UBE2A: variants seen among roughly 807,000 people sequenced by gnomAD.
The protein encoded by UBE2A is ubiquitin-conjugating enzyme E2 A.
For missense variants in UBE2A, 27 were observed against 125.8 expected (o/e 0.21, Z 3.76); for synonymous variants, 39 against 41.1 (o/e 0.95, Z 0.20).
At chrX:119,581,400 T>A in intron 3 of UBE2A, 107 bp from the exon 4 acceptor site, 4 of 550,749 alleles carry the variant, frequency 7.3e-6, no homozygotes, top group Non-Finnish European at 6.3e-6. Context: ...CTACCCTGTA[T>A]CTTTGCATTA....
chrX:119,583,413 C>T lies in UBE2A; in HGVS notation c.*158C>T, dbSNP rs35554236. ...CAAGTTTTCCTACCCCTTCTACCCT[C>T]TCCTTAAACATCAGAAAACACCCTC... On this transcript the variant is annotated 3_prime_UTR_variant, in exon 6 of 6. Transcript: ENST00000371558. The T allele has an allele frequency of 8.5e-4, 632 of 746,927 alleles. 2 individuals are homozygous for T. In the African/African-American group the frequency reaches 0.012, roughly 14 times the overall value. The allele number at this position is 746,927 out of a possible 1,213,427, so 61.6% of individuals were successfully genotyped here.
chrX:119,575,436 C>T lies in UBE2A; in HGVS notation c.151+36C>T, dbSNP rs373749415. ...GTTTCTTTACCCACTTTTCAGGAGC[C>T]TGGTCATCTGGGGAAAGGGTTCCCA... On this transcript the variant is annotated intron_variant, in intron 3 of 5. Coordinates refer to ENST00000371558, the MANE Select transcript of UBE2A (RefSeq NM_003336.4). 3.5e-5 allele frequency: 42 copies of T among 1,207,830 alleles called. No individual in the cohort carries two copies. The African/African-American group carries it at 4.2e-4, about 12-fold the overall frequency.
At chrX:119,579,750 A>C (rs938270081) in intron 3 of UBE2A, among the ~76,000 whole-genome samples, 3 of 111,874 alleles carry the variant, frequency 2.7e-5, no homozygotes, top group Admixed American at 1.9e-4. Context: ...CTACCTTTAG[A>C]TACCATATTT....
At chrX:119,581,648 G>A (rs775276252) in intron 4 of UBE2A, 52 bp downstream of exon 4, 3 of 950,962 alleles carry the variant, frequency 3.2e-6, no homozygotes, top group South Asian at 4.1e-5. Context: ...GTTTATTATG[G>A]AGTATTCCAC....
intron 3 of UBE2A, 181 bp downstream of exon 3, chrX:119,575,581 C>A (rs2053411198): frequency 4.0e-6 from 2 of 501,258 alleles, no homozygotes; most frequent in Admixed American, 8.6e-5. Flanking sequence ...TTGACTAGAA[C>A]TGCACCTTTC....
In UBE2A at chrX:119,574,841, G is replaced by A. The variant is rs1450873532; in HGVS notation, c.45-60G>A. Reference sequence around the variant, plus strand: ...GGCGCGCCGGGCGGGGAGGGCTGGGGAGCGGCCGGGAGCGGGCGCCAGTGC... The same window carrying A: ...GGCGCGCCGGGCGGGGAGGGCTGGGAAGCGGCCGGGAGCGGGCGCCAGTGC... On this transcript the variant is annotated intron_variant, in intron 1 of 5. Transcript: ENST00000371558. 19 of 1,201,083 alleles carry A rather than the reference G, an allele frequency of 1.6e-5. No homozygotes were observed. The African/African-American group carries it at 2.8e-4, about 18-fold the overall frequency.
chrX:119,574,867 C>G (rs985490986), intron 1 of UBE2A, 34 bp from the exon 2 acceptor site: 1 of 1,207,016 alleles, frequency 8.3e-7, no homozygotes, highest in African/African-American at 1.7e-5. Context: ...GCGCCAGTGC[C>G]GGCCTAGGGG....
chrX:119,579,375 A>G (rs1427330356), intron 3 of UBE2A, among the ~76,000 whole-genome samples: 2 of 111,926 alleles, frequency 1.8e-5, no homozygotes, highest in Non-Finnish European at 3.8e-5. Context: ...CCTTAATTGT[A>G]TATTTCTTAC....
rs202153801 is a variant in UBE2A at position 119,574,940 on chromosome X, G to T, written c.84G>T (p.Pro28=). The T allele has an allele frequency of 8.3e-7, 1 of 1,210,935 alleles. No individual in the cohort carries two copies. The highest frequency in any genetic ancestry group is 1.1e-6 in the Non-Finnish European group (1 of 895,228). ...CTCCAGCCGGAGTCAGCGGGGCTCC[G>T]TCCGAGAACAACATAATGGTGTGGA... is the stretch of plus-strand genomic sequence containing the variant. The part of the protein sequence containing the change: ...EDPPAGVSGA[P]SENNIMVWNA... The change falls in exon 2 of 6, where the codon CCG becomes CCT. Residue 28 remains proline, a synonymous_variant. Transcript: ENST00000371558.
chrX:119,581,371 C>T lies in UBE2A; in HGVS notation c.152-136C>T, dbSNP rs1323326320. 6.8e-6 allele frequency: 3 copies of T among 438,530 alleles called. No homozygotes were observed. The East Asian group carries it at 1.1e-4, about 17-fold the overall frequency. The allele number at this position is 438,530 out of a possible 1,213,427, so 36.1% of individuals were successfully genotyped here. On this transcript the variant is annotated intron_variant, in intron 3 of 5. Coordinates refer to ENST00000371558, the MANE Select transcript of UBE2A (RefSeq NM_003336.4). ...TAGAGCAATTCCTAGAGATGTATTT[C>T]TTACCTGGCCTTTCCTCTCTACCCT...
At chrX:119,575,091 G>A in intron 2 of UBE2A, 110 bp downstream of exon 2, 2 of 990,802 alleles carry the variant, frequency 2.0e-6, no homozygotes, top group Non-Finnish European at 2.8e-6. Context: ...GAAAATGTTT[G>A]GGTCTGGCTG....
At chrX:119,582,109 T>C (rs1222701202) in intron 4 of UBE2A, among the ~76,000 whole-genome samples, 1 of 112,534 alleles carries the variant, frequency 8.9e-6, no homozygotes, top group Non-Finnish European at 1.9e-5. Context: ...CTTTTTAAAA[T>C]AGTAGTAAGC....
chrX:119,579,060 G>A (rs1479853906), intron 3 of UBE2A, among the ~76,000 whole-genome samples: 1 of 112,184 alleles, frequency 8.9e-6, no homozygotes, highest in African/African-American at 3.2e-5. Flanking sequence ...TGATTAGTGT[G>A]ACTAAAAGTG....
At chrX:119,581,457 T>C (rs34138874) in intron 3 of UBE2A, 50 bp from the exon 4 acceptor site, 41 of 989,111 alleles carry the variant, frequency 4.1e-5, no homozygotes, top group Non-Finnish European at 5.7e-5. Flanking sequence ...AAAGTACTAC[T>C]GAACAAAGTG....
intron 3 of UBE2A, chrX:119,581,059 T>C (rs2053446994): frequency 8.8e-6 from 1 of 113,411 alleles, no homozygotes; most frequent in South Asian, 3.5e-4. Context: ...ATAACTTGAT[T>C]ATGGATTTGT....
rs1222991633 is a variant in UBE2A, at chrX:119,584,001, C to T, written c.*746C>T. The T allele has an allele frequency of 1.8e-5, 2 of 112,288 alleles. No individual in the cohort carries two copies. The highest frequency in any genetic ancestry group is 6.5e-5 in the African/African-American group (2 of 30,783). 9.3% of individuals were successfully genotyped at this position (112,288 alleles called of 1,213,427 possible). The stretch of plus-strand genomic sequence containing the variant: ...ATGGAAACAATCGTGAGTTTTTGAG[C>T]TAGGGAAAGTTGGAGCTCCTTTAAT... On this transcript the variant is annotated 3_prime_UTR_variant, in exon 6 of 6. Coordinates refer to ENST00000371558, the MANE Select transcript of UBE2A (RefSeq NM_003336.4).
chrX:119,574,869 G>A, intron 1 of UBE2A, 32 bp from the exon 2 acceptor site: 1 of 1,209,864 alleles, frequency 8.3e-7, no homozygotes, highest in Non-Finnish European at 1.1e-6. Flanking sequence ...GCCAGTGCCG[G>A]CCTAGGGGGA....
At chrX:119,578,693 T>C (rs757195019) in intron 3 of UBE2A, among the ~76,000 whole-genome samples, 1 of 111,711 alleles carries the variant, frequency 9.0e-6, no homozygotes, top group Non-Finnish European at 1.9e-5. Context: ...CTTGACTTTG[T>C]GAGTGTCTTT....
intron 2 of UBE2A, 127 bp from the exon 3 acceptor site, chrX:119,575,248 C>T: frequency 1.0e-6 from 1 of 993,755 alleles, no homozygotes. Context: ...CCGGGACATC[C>T]ATTTGTAGTG....
Sources: allele counts gnomAD v4.1 joint callset (sites outside exome capture counted in the v4.1 genomes callset), GRCh38; gene constraint gnomAD v4.1.1; transcripts MANE v1.5; gene names NCBI Gene and HGNC (gene_info 2026-07-23, HGNC 2026-07-21).